Variants in GRM8 observed in about 807,000 individuals in gnomAD.
GRM8 encodes the protein glutamate metabotropic receptor 8.
GRM8 carries 47 observed loss-of-function variants against 87.2 expected under a neutral mutation model. The observed-to-expected ratio is 0.54, with a 90% CI of 0.43 to 0.69. The LOEUF is 0.69. GRM8 is among the 30% of genes least tolerant of loss of function. The pLI, the probability that GRM8 is intolerant of heterozygous loss-of-function variation, is 0.00. For missense variants in GRM8, 1,019 were observed against 1,139.2 expected, an observed-to-expected ratio of 0.89 and a Z score of 1.52; for synonymous variants, 396 against 404.5, an observed-to-expected ratio of 0.98 and a Z score of 0.25.
At chr7:126,716,733 C>G (rs1811788557) in intron 7 of GRM8, among the ~76,000 whole-genome samples, 1 of 152,094 alleles carries the variant, frequency 6.6e-6, no homozygotes, top group Admixed American at 6.5e-5. Flanking sequence ...TCTCTCTACT[C>G]TCATGTATGA....
chr7:127,143,601 G>A (rs1406309684), intron 2 of GRM8, among the ~76,000 whole-genome samples: 7 of 152,028 alleles, frequency 4.6e-5, no homozygotes, highest in Admixed American at 4.6e-4. Context: ...AGATACTAAA[G>A]CTTACAGAGG....
At chr7:126,709,331 G>A (rs181790792) in intron 7 of GRM8, among the ~76,000 whole-genome samples, 1 of 152,258 alleles carries the variant, frequency 6.6e-6, no homozygotes, top group African/African-American at 2.4e-5. Context: ...GCTGAAGTGG[G>A]AGGATTGTGT....
intron 7 of GRM8, among the ~76,000 whole-genome samples, chr7:126,627,896 C>A (rs948004326): frequency 3.9e-5 from 6 of 152,038 alleles, no homozygotes; most frequent in African/African-American, 1.4e-4. Context: ...CTATTGGATT[C>A]GATCTGCTAA....
chr7:127,138,969 C>T (rs1210521508), intron 2 of GRM8, among the ~76,000 whole-genome samples: 1 of 152,172 alleles, frequency 6.6e-6, no homozygotes, highest in African/African-American at 2.4e-5. Flanking sequence ...TTAATCCTCA[C>T]AACAATATTC....
intron 2 of GRM8, among the ~76,000 whole-genome samples, chr7:127,227,310 T>C (rs1563593872): frequency 6.6e-6 from 1 of 152,184 alleles, no homozygotes; most frequent in Non-Finnish European, 1.5e-5. Flanking sequence ...AGAACTCCAG[T>C]CTCTCCCCAC....
At chr7:126,616,315 C>T (rs1799485396) in intron 7 of GRM8, among the ~76,000 whole-genome samples, 1 of 152,178 alleles carries the variant, frequency 6.6e-6, no homozygotes, top group Admixed American at 6.5e-5. Context: ...TAAAGACGTT[C>T]TTTGAAACCA....
At chr7:126,532,223 C>A (rs746979849) in intron 9 of GRM8, among the ~76,000 whole-genome samples, 8 of 152,154 alleles carry the variant, frequency 5.3e-5, no homozygotes, top group African/African-American at 1.4e-4. Context: ...AAAGAAATTA[C>A]TTTGGGGGAG....
chr7:126,820,979 T>C (rs1794242340), intron 6 of GRM8, among the ~76,000 whole-genome samples: 1 of 152,212 alleles, frequency 6.6e-6, no homozygotes, highest in South Asian at 2.1e-4. Flanking sequence ...CACACACCTG[T>C]AGTCCCAACT....
At chr7:126,484,867 C>T (rs1371534030) in intron 9 of GRM8, among the ~76,000 whole-genome samples, 1 of 143,504 alleles carries the variant, frequency 7.0e-6, no homozygotes, top group Non-Finnish European at 1.5e-5. Context: ...ATGGATCTAT[C>T]GTTAAACGTT....
intron 2 of GRM8, among the ~76,000 whole-genome samples, chr7:127,230,304 A>G (rs7805944): frequency 0.1 from 15,430 of 151,878 alleles, 949 homozygotes; most frequent in African/African-American, 0.17. Context: ...AGACTCCTAA[A>G]ATAATCCTTT....
chr7:126,492,539 C>T lies in GRM8; in HGVS notation c.2430+40413G>A, dbSNP rs570598380. On this transcript the variant is annotated intron_variant, in intron 9 of 10. Transcript: ENST00000339582. The stretch of plus-strand genomic sequence containing the variant: ...GGTGATTGTTAAAGCTGGCCTCCAT[C>T]TCAGGTTTTCTGTCTCTGAAACTTT... 9.2e-5 allele frequency among the ~76,000 whole-genome samples: 14 copies of T among 152,206 alleles called. No homozygotes were observed. The South Asian group carries it at 2.5e-3, about 27-fold the overall frequency.
chr7:127,038,382 G>C (rs1248741187), intron 3 of GRM8, among the ~76,000 whole-genome samples: 1 of 152,114 alleles, frequency 6.6e-6, no homozygotes, highest in Non-Finnish European at 1.5e-5. Flanking sequence ...AAAACAACAT[G>C]AAGAAAATGA....
intron 3 of GRM8, among the ~76,000 whole-genome samples, chr7:127,081,949 G>T (rs1822916276): frequency 6.6e-6 from 1 of 152,130 alleles, no homozygotes; most frequent in South Asian, 2.1e-4. Context: ...CCAGGAAAAG[G>T]CCTTGGACTT....
chr7:126,755,657 T>C (rs147910478), intron 7 of GRM8, among the ~76,000 whole-genome samples: 133 of 152,098 alleles, frequency 8.7e-4, no homozygotes, highest in African/African-American at 2.9e-3. Context: ...AACAATTACA[T>C]GCTAAGAGAA....
intron 6 of GRM8, among the ~76,000 whole-genome samples, chr7:126,888,991 A>G (rs1226561399): frequency 6.6e-6 from 1 of 152,132 alleles, no homozygotes; most frequent in Non-Finnish European, 1.5e-5. Context: ...GACATCACCT[A>G]TTTGTCAGAA....
intron 3 of GRM8, among the ~76,000 whole-genome samples, chr7:127,057,500 T>C (rs1820116935): frequency 6.6e-6 from 1 of 152,178 alleles, no homozygotes; most frequent in Non-Finnish European, 1.5e-5. Flanking sequence ...ATTTTAAAGA[T>C]GGTAGAACTG....
chr7:127,103,671 C>T (rs1478875578), intron 3 of GRM8, among the ~76,000 whole-genome samples: 5 of 152,124 alleles, frequency 3.3e-5, no homozygotes, highest in African/African-American at 7.2e-5. Context: ...TATGTCAAAC[C>T]TTCCAATTTT....
chr7:127,185,014 ACT>A (rs1794658329), intron 2 of GRM8, among the ~76,000 whole-genome samples: 1 of 151,998 alleles, frequency 6.6e-6, no homozygotes, highest in Non-Finnish European at 1.5e-5. Context: ...GGATAGGAAG[ACT>A]CAATATTGTT....
At chr7:126,838,648 TC>T (rs1410154635) in intron 6 of GRM8, among the ~76,000 whole-genome samples, 1 of 152,204 alleles carries the variant, frequency 6.6e-6, no homozygotes, top group Non-Finnish European at 1.5e-5. Flanking sequence ...GCCTTTTAAT[TC>T]TCTGCTTTCT....
Sources: gnomAD v4.1 joint callset for allele counts (sites outside exome capture counted in the v4.1 genomes callset) on GRCh38, gnomAD v4.1.1 for gene constraint, MANE v1.5 for transcripts, NCBI Gene and HGNC (gene_info 2026-07-23, HGNC 2026-07-21) for gene names.